Variants in ETS1 observed in about 807,000 individuals in gnomAD.
ETS1 encodes the protein ETS proto-oncogene 1, transcription factor, also known as protein C-ets-1.
ETS1 carries 15 observed loss-of-function variants against 58.6 expected under a neutral mutation model. That is an observed-to-expected ratio of 0.26 (90% CI 0.17 to 0.39). The LOEUF (loss-of-function observed/expected upper bound fraction) is 0.39, where lower values mean the gene tolerates loss of function less well. ETS1 is among the 10% of genes least tolerant of loss of function. ETS1 has a pLI of 1.00. For synonymous variants in ETS1, 214 were observed against 218.2 expected (o/e 0.98, Z 0.17); for missense variants, 417 against 610.5 (o/e 0.68, Z 3.34).
intron 8 of ETS1, among the ~76,000 whole-genome samples, chr11:128,479,354 C>T (rs1229811787): frequency 6.6e-6 from 1 of 152,204 alleles, no homozygotes; most frequent in Admixed American, 6.5e-5. Flanking sequence ...GCTCTACTCA[C>T]AACACACTTT....
At chr11:128,505,772 G>A (rs1022146489) in intron 3 of ETS1, among the ~76,000 whole-genome samples, 1 of 152,218 alleles carries the variant, frequency 6.6e-6, no homozygotes, top group Non-Finnish European at 1.5e-5. Context: ...AGGTGAGAAA[G>A]GGAGAGACTG....
intron 3 of ETS1, among the ~76,000 whole-genome samples, chr11:128,502,961 C>T (rs1285515825): frequency 6.6e-6 from 1 of 152,132 alleles, no homozygotes; most frequent in Non-Finnish European, 1.5e-5. Flanking sequence ...AGCAACTGCA[C>T]CCTCTGGATC....
chr11:128,538,737 CACACACACAT>C (rs1260741114), intron 3 of ETS1, among the ~76,000 whole-genome samples: 1 of 148,720 alleles, frequency 6.7e-6, no homozygotes, highest in Non-Finnish European at 1.5e-5. Flanking sequence ...AAAACACACA[CACACACACAT>C]ACACACATAC....
chr11:128,465,305 T>A (rs892585618), intron 8 of ETS1, among the ~76,000 whole-genome samples: 1 of 152,234 alleles, frequency 6.6e-6, no homozygotes, highest in Non-Finnish European at 1.5e-5. Context: ...TGAATGCCTA[T>A]AAAATAAAGT....
At chr11:128,554,274 C>A (rs367569856) in intron 3 of ETS1, among the ~76,000 whole-genome samples, 4 of 152,136 alleles carry the variant, frequency 2.6e-5, no homozygotes, top group African/African-American at 9.7e-5. Flanking sequence ...TGGTAGAGGC[C>A]ACACCCCGAT....
chr11:128,490,077 C>T (rs965547817), intron 4 of ETS1, among the ~76,000 whole-genome samples: 2 of 152,214 alleles, frequency 1.3e-5, no homozygotes, highest in African/African-American at 4.8e-5. Flanking sequence ...TTGAGTAGCA[C>T]TGTAGTATTG....
intron 1 of ETS1, among the ~76,000 whole-genome samples, chr11:128,581,333 G>A (rs147436016): frequency 6.6e-6 from 1 of 152,262 alleles, no homozygotes; most frequent in African/African-American, 2.4e-5. Context: ...TCATACTTCT[G>A]TCAGAACATC....
At chr11:128,516,413 G>C (rs1302879744) in intron 3 of ETS1, among the ~76,000 whole-genome samples, 1 of 152,134 alleles carries the variant, frequency 6.6e-6, no homozygotes, top group African/African-American at 2.4e-5. Flanking sequence ...TTGTGAGCAG[G>C]AAAATGGAGC....
At chr11:128,529,302 T>C (rs902074628) in intron 3 of ETS1, among the ~76,000 whole-genome samples, 1 of 152,104 alleles carries the variant, frequency 6.6e-6, no homozygotes, top group African/African-American at 2.4e-5. Flanking sequence ...ATACAGGTGA[T>C]TCTATATTGA....
chr11:128,513,370 T>A (rs996423413), intron 3 of ETS1, among the ~76,000 whole-genome samples: 11 of 152,312 alleles, frequency 7.2e-5, no homozygotes, highest in African/African-American at 2.6e-4. Flanking sequence ...GAAAATGAGG[T>A]GCATAAAAAT....
rs368108324 is a variant in ETS1, at chr11:128,523,685, TC to T, written c.214+32605del. On this transcript the variant is annotated intron_variant, in intron 3 of 9. Transcript: ENST00000392668. ...AGCCAGGAACAGAAAAATCTGTGGC[TC>T]CTGGTCTAAACTCCAGATTAAATCC... Among the ~76,000 whole-genome samples the T allele has an allele frequency of 3.5e-3, 540 of 152,332 alleles. 1 individual carries two copies. Among genetic ancestry groups the T allele is most frequent in the Middle Eastern group, 0.014 (4 of 294 alleles).
At chr11:128,567,229 G>C (rs1009782189) in intron 2 of ETS1, among the ~76,000 whole-genome samples, 2 of 152,162 alleles carry the variant, frequency 1.3e-5, no homozygotes, top group Non-Finnish European at 2.9e-5. Context: ...TGTCCCACTG[G>C]AACTGCACAG....
intron 1 of ETS1, among the ~76,000 whole-genome samples, chr11:128,575,624 A>G (rs1864730110): frequency 6.6e-6 from 1 of 152,232 alleles, no homozygotes; most frequent in African/African-American, 2.4e-5. Flanking sequence ...CAGGATCTCT[A>G]TCTTCAGGCA....
At position 128,486,108 on chromosome 11, in the gene ETS1, C is replaced by G. The variant is rs770862948; in HGVS notation, c.574G>C (p.Ala192Pro). ...GAGGTATAGCGGGATTCTGGATAGG[C>G]TGGGTTGACTCCATTAACTTGATAT... ...KPYQVNGVNP[A>P]YPESRYTSDY... is the part of the protein sequence containing the mutation. The change falls in exon 6 of 10, where the codon GCC (alanine) becomes CCC (proline). Residue 192 changes from alanine to proline, a missense_variant. Physicochemically the swap from Ala to Pro is conservative, Grantham distance 27. This residue lies in a region of ETS1 where 132 missense variants were observed against 212.1 expected (regional missense o/e 0.62). Coordinates refer to ENST00000392668, the MANE Select transcript of ETS1 (RefSeq NM_001143820.2). 8.7e-6 allele frequency: 14 copies of G among 1,612,024 alleles called. No homozygotes were observed. Among genetic ancestry groups the G allele is most frequent in the Admixed American group, 1.7e-5 (1 of 59,992 alleles).
intron 3 of ETS1, among the ~76,000 whole-genome samples, chr11:128,546,802 A>G (rs1274308187): frequency 6.6e-6 from 1 of 152,102 alleles, no homozygotes; most frequent in East Asian, 1.9e-4. Flanking sequence ...CTATTTCTAC[A>G]TCTTTTCTTC....
chr11:128,499,053 G>C (rs867898840), intron 3 of ETS1, among the ~76,000 whole-genome samples: 1 of 152,124 alleles, frequency 6.6e-6, no homozygotes, highest in African/African-American at 2.4e-5. Context: ...GCATCCTATT[G>C]GTTCTTCCCA....
At chr11:128,537,323 G>A (rs1470252428) in intron 3 of ETS1, among the ~76,000 whole-genome samples, 1 of 152,080 alleles carries the variant, frequency 6.6e-6, no homozygotes, top group Non-Finnish European at 1.5e-5. Context: ...TAGGGGGAGA[G>A]GGAGGGAAAG....
In ETS1 at chr11:128,548,337, T is replaced by C. The variant is rs574135269; in HGVS notation, c.214+7954A>G. ...CATTTCCACATTCAATACGTTTTTT[T>C]TTTTTTAATTTCTTCCTTCACAGTA... On this transcript the variant is annotated intron_variant, in intron 3 of 9. Coordinates refer to ENST00000392668, the MANE Select transcript of ETS1 (RefSeq NM_001143820.2). Among the ~76,000 whole-genome samples the C allele has an allele frequency of 1.9e-3, 287 of 152,210 alleles. 5 individuals are homozygous for C. The highest frequency in any genetic ancestry group is 6.8e-3 in the African/African-American group (282 of 41,524).
intron 3 of ETS1, among the ~76,000 whole-genome samples, chr11:128,553,104 G>A (rs566113892): frequency 8.5e-5 from 13 of 152,270 alleles, no homozygotes; most frequent in Middle Eastern, 3.4e-3. Context: ...GATTCACAAG[G>A]TTCCCTAACA....
Sources: gnomAD v4.1 joint callset for allele counts (sites outside exome capture counted in the v4.1 genomes callset) on GRCh38, gnomAD v4.1.1 for gene constraint, gnomAD v4.1.1 regional missense constraint, MANE v1.5 for transcripts, NCBI Gene and HGNC (gene_info 2026-07-23, HGNC 2026-07-21) for gene names.